NKAIN2: variants seen among roughly 807,000 people sequenced by gnomAD.
The protein encoded by NKAIN2 is sodium/potassium transporting ATPase interacting 2.
A neutral mutation model predicts 32.6 loss-of-function variants in NKAIN2; 14 were observed. The ratio of observed to expected loss-of-function variants is 0.43; its 90% CI spans 0.28 to 0.67. The LOEUF is 0.67. NKAIN2 is among the 30% of genes least tolerant of loss of function. The probability of loss-of-function intolerance (pLI) is 0.17; values close to 1 mark genes in which losing one functional copy is unlikely to be tolerated. For synonymous variants in NKAIN2, 80 were observed against 87.2 expected (o/e 0.92, Z 0.46); for missense variants, 198 against 258.3 (o/e 0.77, Z 1.60).
intron 3 of NKAIN2, among the ~76,000 whole-genome samples, chr6:124,404,603 G>A (rs1466820532): frequency 1.3e-5 from 2 of 151,602 alleles, no homozygotes; most frequent in African/African-American, 4.8e-5. Context: ...CACTATTACT[G>A]GAAGGGAAGT....
At chr6:124,534,553 T>C (rs1482199310) in intron 3 of NKAIN2, among the ~76,000 whole-genome samples, 1 of 151,268 alleles carries the variant, frequency 6.6e-6, no homozygotes, top group Non-Finnish European at 1.5e-5. Flanking sequence ...CAAAAGTTGA[T>C]ATGTATGTTT....
chr6:124,229,661 T>C (rs1477335795), intron 1 of NKAIN2, among the ~76,000 whole-genome samples: 1 of 152,128 alleles, frequency 6.6e-6, no homozygotes, highest in African/African-American at 2.4e-5. Flanking sequence ...AATTGAACCA[T>C]GGAAGTGGGT....
At chr6:124,213,515 G>A (rs73770364) in intron 1 of NKAIN2, among the ~76,000 whole-genome samples, 4,198 of 152,024 alleles carry the variant, frequency 0.028, 135 homozygotes, top group African/African-American at 0.083. Context: ...ACAGCCAGAG[G>A]AGTGAGATAA....
intron 1 of NKAIN2, among the ~76,000 whole-genome samples, chr6:124,171,153 C>T (rs1788832240): frequency 6.6e-6 from 1 of 152,090 alleles, no homozygotes; most frequent in Admixed American, 6.6e-5. Flanking sequence ...AGTTTCTATA[C>T]CCTCATCCTT....
intron 4 of NKAIN2, among the ~76,000 whole-genome samples, chr6:124,662,292 G>T (rs1784775052): frequency 8.6e-6 from 1 of 115,972 alleles, no homozygotes; most frequent in Non-Finnish European, 1.7e-5. Context: ...CAAATGTGCA[G>T]AAAGAATAAT....
At chr6:124,415,848 CT>C (rs113733587) in intron 3 of NKAIN2, among the ~76,000 whole-genome samples, 19,771 of 97,404 alleles carry the variant, frequency 0.2, 1,801 homozygotes, top group East Asian at 0.28. Flanking sequence ...TTTTTATTTG[CT>C]TTTTTTTTTA....
chr6:124,133,031 G>C (rs549478207), intron 1 of NKAIN2, among the ~76,000 whole-genome samples: 1 of 152,146 alleles, frequency 6.6e-6, no homozygotes, highest in Non-Finnish European at 1.5e-5. Flanking sequence ...AGTACTGGGC[G>C]CAGGAGGGAA....
At chr6:124,349,823 C>T (rs761308398) in intron 2 of NKAIN2, among the ~76,000 whole-genome samples, 4 of 152,156 alleles carry the variant, frequency 2.6e-5, no homozygotes, top group Non-Finnish European at 5.9e-5. Context: ...ATTGGAGCCA[C>T]AAATACCACA....
intron 1 of NKAIN2, among the ~76,000 whole-genome samples, chr6:123,890,615 T>C (rs780144855): frequency 4.6e-5 from 7 of 152,136 alleles, no homozygotes; most frequent in Non-Finnish European, 8.8e-5. Flanking sequence ...GTACAAACCA[T>C]TTTATATCCA....
At chr6:124,589,916 G>A (rs1781847341) in intron 3 of NKAIN2, among the ~76,000 whole-genome samples, 2 of 151,950 alleles carry the variant, frequency 1.3e-5, no homozygotes, top group South Asian at 2.1e-4. Context: ...TTATGAGTGA[G>A]AACATGCAGT....
At chr6:124,178,299 C>CTTT (rs71021481) in intron 1 of NKAIN2, among the ~76,000 whole-genome samples, 5 of 139,092 alleles carry the variant, frequency 3.6e-5, no homozygotes, top group East Asian at 4.2e-4. Flanking sequence ...CGTACATTAA[C>CTTT]TTTTTTTTTT....
chr6:124,252,400 A>T (rs905027467), intron 1 of NKAIN2, among the ~76,000 whole-genome samples: 4 of 152,058 alleles, frequency 2.6e-5, no homozygotes, highest in African/African-American at 9.7e-5. Flanking sequence ...AACTACAAAG[A>T]AAGGAAAAGG....
intron 3 of NKAIN2, among the ~76,000 whole-genome samples, chr6:124,593,740 A>G (rs1583489689): frequency 6.6e-6 from 1 of 152,198 alleles, no homozygotes; most frequent in Non-Finnish European, 1.5e-5. Context: ...TTTGCTAGAC[A>G]TGACATAAGG....
intron 4 of NKAIN2, among the ~76,000 whole-genome samples, chr6:124,697,516 A>G (rs538394771): frequency 6.6e-6 from 1 of 152,248 alleles, no homozygotes; most frequent in Admixed American, 6.5e-5. Flanking sequence ...ATCACACTAG[A>G]GCTCTCCTAA....
intron 3 of NKAIN2, among the ~76,000 whole-genome samples, chr6:124,407,085 G>A (rs879823911): frequency 6.6e-6 from 1 of 151,990 alleles, no homozygotes. Flanking sequence ...TATCGATCAA[G>A]CTTTTGATGT....
chr6:124,700,223 C>G (rs1226241906), intron 4 of NKAIN2, among the ~76,000 whole-genome samples: 1 of 152,044 alleles, frequency 6.6e-6, no homozygotes, highest in Non-Finnish European at 1.5e-5. Flanking sequence ...AAAAATCAGG[C>G]AAAATCTTAG....
At chr6:124,263,409 CA>C (rs1334631787) in intron 1 of NKAIN2, among the ~76,000 whole-genome samples, 1 of 152,114 alleles carries the variant, frequency 6.6e-6, no homozygotes, top group Non-Finnish European at 1.5e-5. Context: ...GACTATACAG[CA>C]GAAAAGTATA....
chr6:124,076,300 C>T (rs1272585073), intron 1 of NKAIN2, among the ~76,000 whole-genome samples: 1 of 152,114 alleles, frequency 6.6e-6, no homozygotes, highest in African/African-American at 2.4e-5. Flanking sequence ...ACTGTCTGAG[C>T]TGGAAATAGT....
chr6:124,576,985 C>CTGAA lies in NKAIN2; in HGVS notation c.274-81200_274-81197dup, dbSNP rs112406153. Among the ~76,000 whole-genome samples the CTGAA allele has an allele frequency of 8.0e-3, 1,217 of 152,264 alleles. 10 individuals are homozygous for CTGAA. Among genetic ancestry groups the CTGAA allele is most frequent in the African/African-American group, 0.026 (1,081 of 41,552 alleles). On this transcript the variant is annotated intron_variant, in intron 3 of 6. Transcript: ENST00000368417. ...AATGATACATTGGGATTTGTAAGAA[C>CTGAA]TGAAACCTCTGCTTTTTTGAAACAT...
Sources: gnomAD v4.1 joint callset for allele counts (sites outside exome capture counted in the v4.1 genomes callset) on GRCh38, gnomAD v4.1.1 for gene constraint, MANE v1.5 for transcripts, NCBI Gene and HGNC (gene_info 2026-07-23, HGNC 2026-07-21) for gene names.